The following PWWP3B variants were observed in gnomAD, a reference collection of about 807,000 sequenced individuals.
PWWP3B encodes the protein PWWP domain-containing DNA repair factor 3B.
PWWP3B carries 5 observed loss-of-function variants against 15.7 expected under a neutral mutation model. That is an observed-to-expected ratio of 0.32 (90% confidence interval 0.17 to 0.67). The LOEUF (loss-of-function observed/expected upper bound fraction) is 0.67, where lower values mean the gene tolerates loss of function less well. Among genes scored for constraint, PWWP3B ranks in the 30% least tolerant of loss-of-function variants. The probability of loss-of-function intolerance (pLI) is 0.74; values close to 1 mark genes in which losing one functional copy is unlikely to be tolerated. For missense variants in PWWP3B, 519 were observed against 493.1 expected (o/e 1.05, Z -0.50); for synonymous variants, 203 against 179.8 (o/e 1.13, Z -1.03).
chrX:106,202,260 A>C (rs1923746231), intron 2 of PWWP3B, among the ~76,000 whole-genome samples: 1 of 112,022 alleles, frequency 8.9e-6, no homozygotes, highest in African/African-American at 3.2e-5. Context: ...ATATGCATGT[A>C]TATATGTGAT....
At chrX:106,168,901 A>G (rs746485006) in intron 1 of PWWP3B, among the ~76,000 whole-genome samples, 1 of 112,013 alleles carries the variant, frequency 8.9e-6, no homozygotes, top group South Asian at 3.7e-4. Context: ...TTGTCAAGGG[A>G]TACACAATGA....
At chrX:106,192,302 C>T (rs1471873483) in intron 2 of PWWP3B, among the ~76,000 whole-genome samples, 1 of 111,808 alleles carries the variant, frequency 8.9e-6, no homozygotes, top group Non-Finnish European at 1.9e-5. Context: ...TTATCCATTT[C>T]TTCTAGATTT....
chrX:106,182,776 A>C, intron 2 of PWWP3B, among the ~76,000 whole-genome samples: 1 of 111,351 alleles, frequency 9.0e-6, no homozygotes, highest in Admixed American at 9.5e-5. Context: ...TATGTTTGCC[A>C]TTACAAAACC....
Position 106,204,082 on chromosome X carries a change from G to A in PWWP3B, c.-303G>A, listed in dbSNP as rs932137828. On this transcript the variant is annotated 5_prime_UTR_variant, in exon 3 of 4. The change creates a premature stop within an existing upstream ORF in the 5' untranslated region. Transcript: ENST00000357175. ...GTGCAACCACAGAAGTGCCGAGCTG[G>A]GTAAAGGCCCTGCTGGACAAGCAGT... 3 of 111,795 alleles carry A rather than the reference G, an allele frequency of 2.7e-5. No homozygotes were observed. The highest frequency in any genetic ancestry group is 5.6e-5 in the Non-Finnish European group (3 of 53,211). 9.2% of individuals were successfully genotyped at this position (111,795 alleles called of 1,213,427 possible).
At chrX:106,191,188 T>A (rs1049364330) in intron 2 of PWWP3B, among the ~76,000 whole-genome samples, 8 of 111,236 alleles carry the variant, frequency 7.2e-5, no homozygotes, top group Non-Finnish European at 1.5e-4. Flanking sequence ...CATGGAATGT[T>A]CTTCCATTTA....
chrX:106,186,645 G>A (rs1922529984), intron 2 of PWWP3B, among the ~76,000 whole-genome samples: 1 of 110,875 alleles, frequency 9.0e-6, no homozygotes, highest in African/African-American at 3.3e-5. Context: ...TTCATGGTGA[G>A]TGTTACAGCT....
intron 2 of PWWP3B, among the ~76,000 whole-genome samples, chrX:106,198,523 A>G (rs966439753): frequency 1.8e-5 from 2 of 111,806 alleles, no homozygotes; most frequent in Non-Finnish European, 3.8e-5. Flanking sequence ...ATTAAATAAG[A>G]TCATATGTCA....
Position 106,207,492 on chromosome X carries a change from G to A in PWWP3B, c.2060G>A (p.Arg687Lys). Residue 687 changes from arginine to lysine, a missense_variant, in exon 4 of 4, where the codon AGA becomes AAA. Transcript: ENST00000357175. ...LFDAKIIYEK[R>K]RKAPTNEAH ...GATGCAAAAATAATATATGAAAAGAGACGAAAAGCACCAACAAATGAAGCT... is the reference window on the plus strand; with the variant it reads ...GATGCAAAAATAATATATGAAAAGAAACGAAAAGCACCAACAAATGAAGCT... 1 of 1,147,285 alleles carries A rather than the reference G, an allele frequency of 8.7e-7. No homozygotes were observed. The highest frequency in any genetic ancestry group is 1.2e-6 in the Non-Finnish European group (1 of 865,021). The allele number at this position is 1,147,285 out of a possible 1,213,427, so 94.5% of individuals were successfully genotyped here.
At chrX:106,171,998 A>C (rs1244397105) in intron 2 of PWWP3B, among the ~76,000 whole-genome samples, 1 of 111,796 alleles carries the variant, frequency 8.9e-6, no homozygotes, top group Non-Finnish European at 1.9e-5. Context: ...TAAGTACATA[A>C]ACCAATAACA....
intron 2 of PWWP3B, among the ~76,000 whole-genome samples, chrX:106,190,785 T>C (rs1469856655): frequency 6.3e-5 from 7 of 111,830 alleles, no homozygotes; most frequent in South Asian, 3.7e-4. Flanking sequence ...TTCCCAGCAC[T>C]GTTTATTAAA....
chrX:106,196,877 T>G (rs968069654), intron 2 of PWWP3B, among the ~76,000 whole-genome samples: 2 of 112,014 alleles, frequency 1.8e-5, no homozygotes, highest in Non-Finnish European at 3.8e-5. Context: ...TATTTGTGCT[T>G]CAGTTGGAGC....
chrX:106,204,295 G>A (rs1923866729), intron 3 of PWWP3B, 125 bp downstream of exon 3: 1 of 112,685 alleles, frequency 8.9e-6, no homozygotes, highest in Non-Finnish European at 1.9e-5. Flanking sequence ...CATATTTCAT[G>A]TTAGAATCAT....
At chrX:106,205,176 G>A (rs1257680513) in intron 3 of PWWP3B, 43 bp from the exon 4 acceptor site, 9 of 274,545 alleles carry the variant, frequency 3.3e-5, no homozygotes, top group African/African-American at 1.4e-4. Context: ...CGAAATAATC[G>A]TATTTGCTGA....
chrX:106,191,895 T>C (rs1230156103), intron 2 of PWWP3B, among the ~76,000 whole-genome samples: 1 of 111,880 alleles, frequency 8.9e-6, no homozygotes, highest in Non-Finnish European at 1.9e-5. Context: ...TGAAGCCCAC[T>C]CTATCATGGT....
At position 106,206,581 on chromosome X, in the gene PWWP3B, A is replaced by G. The variant is rs1199902835; in HGVS notation, c.1149A>G (p.Leu383=). The change falls in exon 4 of 4, where the codon TTA becomes TTG. Residue 383 remains leucine (L), a synonymous_variant. Transcript: ENST00000357175. The part of the protein sequence containing the change: ...EEDEELPRFI[L]HYETHPFETG... ...ACGAAGAACTTCCACGCTTCATTTTACATTATGAGACACATCCGTTTGAAA... is the reference window on the plus strand; with the variant it reads ...ACGAAGAACTTCCACGCTTCATTTTGCATTATGAGACACATCCGTTTGAAA... 8 of 1,209,359 alleles carry G rather than the reference A, an allele frequency of 6.6e-6. No individual in the cohort carries two copies. The highest frequency in any genetic ancestry group is 8.9e-6 in the Non-Finnish European group (8 of 894,396).
chrX:106,183,082 T>TCCACTCCTG (rs1202389934), intron 2 of PWWP3B, among the ~76,000 whole-genome samples: 3 of 110,675 alleles, frequency 2.7e-5, no homozygotes, highest in Non-Finnish European at 3.8e-5. Flanking sequence ...AATCCAAGAT[T>TCCACTCCTG]CCACTCCTGC....
intron 2 of PWWP3B, among the ~76,000 whole-genome samples, chrX:106,201,555 A>G (rs1239174232): frequency 2.7e-5 from 3 of 112,835 alleles, no homozygotes; most frequent in African/African-American, 6.4e-5. Flanking sequence ...TTGACATTTC[A>G]CTTAAAAGTT....
intron 2 of PWWP3B, among the ~76,000 whole-genome samples, chrX:106,200,339 T>C (rs1007422688): frequency 1.2e-4 from 13 of 111,276 alleles, no homozygotes; most frequent in African/African-American, 4.3e-4. Flanking sequence ...TTTGGGGGAT[T>C]GAACCTCTGA....
chrX:106,206,208 A>G lies in PWWP3B; in HGVS notation c.776A>G (p.Glu259Gly), dbSNP rs1273030281. Residue 259 changes from glutamate (E) to glycine (G), a missense_variant, in exon 4 of 4, where the codon GAG becomes GGG. Coordinates refer to ENST00000357175, the MANE Select transcript of PWWP3B (RefSeq NM_001171020.2). Reference protein sequence around the residue: ...IMPKALKEESEDTCLETLAVP... With the variant: ...IMPKALKEESGDTCLETLAVP... ...CCCAAAGCTTTGAAAGAAGAGAGCG[A>G]GGATACCTGCCTAGAGACCCTGGCT... The G allele has an allele frequency of 2.6e-5, 31 of 1,204,294 alleles. No homozygotes were observed. Among genetic ancestry groups the G allele is most frequent in the Non-Finnish European group, 3.5e-5 (31 of 892,292 alleles).
Sources: gnomAD v4.1 joint callset for allele counts (sites outside exome capture counted in the v4.1 genomes callset) on GRCh38, gnomAD v4.1.1 for gene constraint, MANE v1.5 for transcripts, NCBI Gene and HGNC (gene_info 2026-07-23, HGNC 2026-07-21) for gene names.